LRP5: variants seen among roughly 807,000 people sequenced by gnomAD.
LRP5 encodes low-density lipoprotein receptor-related protein 5.
In LRP5, 62 loss-of-function variants were observed where a neutral mutation model predicts 154.1. The observed-to-expected ratio is 0.40, with a 90% CI of 0.33 to 0.50. The LOEUF is 0.50. LRP5 is among the 20% of genes least tolerant of loss of function. The probability of loss-of-function intolerance (pLI) is 0.55; values close to 1 mark genes in which losing one functional copy is unlikely to be tolerated. For missense variants in LRP5, 1,915 were observed against 2,336.7 expected (o/e 0.82, Z 3.72); for synonymous variants, 966 against 1,011.5 (o/e 0.96, Z 0.85).
At chr11:68,366,982 G>T (rs1317123580) in intron 5 of LRP5, among the ~76,000 whole-genome samples, 1 of 117,888 alleles carries the variant, frequency 8.5e-6, no homozygotes, top group Non-Finnish European at 1.6e-5. Flanking sequence ...TCTGGCGCTC[G>T]CACTCTGGGC....
intron 1 of LRP5, among the ~76,000 whole-genome samples, chr11:68,324,403 T>C (rs551150208): frequency 2.6e-5 from 4 of 152,298 alleles, no homozygotes; most frequent in African/African-American, 7.2e-5. Flanking sequence ...CTGCCCTGTG[T>C]GGCCCCCAGG....
chr11:68,320,146 C>T (rs550111051), intron 1 of LRP5, among the ~76,000 whole-genome samples: 1 of 152,268 alleles, frequency 6.6e-6, no homozygotes, highest in Admixed American at 6.5e-5. Context: ...GCCTGGGCAA[C>T]AGAGCGAGAC....
intron 1 of LRP5, among the ~76,000 whole-genome samples, chr11:68,347,001 C>T (rs1407270368): frequency 2.0e-5 from 3 of 152,182 alleles, no homozygotes; most frequent in African/African-American, 7.2e-5. Flanking sequence ...CTTGCACAGG[C>T]AGAAGGGGCT....
intron 16 of LRP5, among the ~76,000 whole-genome samples, chr11:68,428,943 AAAAATT>A (rs2098670384): frequency 2.2e-3 from 7 of 3,166 alleles, no homozygotes; most frequent in Admixed American, 6.4e-3. Context: ...AAAAAAAAAA[AAAAATT>A]AGCCAGGCAC....
At position 68,363,863 on chromosome 11, in the gene LRP5, G is replaced by T; in HGVS notation, c.803G>T (p.Gly268Val). The T allele has an allele frequency of 1.9e-6, 3 of 1,613,146 alleles. No individual in the cohort carries two copies. Among genetic ancestry groups the T allele is most frequent in the Admixed American group, 1.7e-5 (1 of 59,952 alleles). ...RSIHACNKRT[G>V]GKRKEILSAL... ...ATCCATGCCTGCAACAAGCGCACTG[G>T]GGGGAAGAGGAAGGAGATCCTGAGT... The change falls in exon 4 of 23, where the codon GGG becomes GTG. Residue 268 changes from glycine (G) to valine (V), a missense_variant. Transcript: ENST00000294304.
At chr11:68,313,257 G>A (rs2098590056) in intron 1 of LRP5, among the ~76,000 whole-genome samples, 1 of 151,930 alleles carries the variant, frequency 6.6e-6, no homozygotes, top group Non-Finnish European at 1.5e-5. Context: ...AGGACGGGCT[G>A]AAGTTGCAGC....
chr11:68,312,370 C>T (rs1032019789), upstream of LRP5, among the ~76,000 whole-genome samples: 17 of 151,014 alleles, frequency 1.1e-4, no homozygotes, highest in Non-Finnish European at 1.6e-4. Flanking sequence ...CCCCGCGGGG[C>T]GGAAACCCCG....
At chr11:68,322,420 G>C (rs1434737912) in intron 1 of LRP5, among the ~76,000 whole-genome samples, 2 of 152,232 alleles carry the variant, frequency 1.3e-5, no homozygotes, top group African/African-American at 4.8e-5. Flanking sequence ...TTTTCTCCAA[G>C]TAGTTTTCAT....
intron 1 of LRP5, among the ~76,000 whole-genome samples, chr11:68,314,184 G>T (rs1466811857): frequency 1.3e-5 from 2 of 151,902 alleles, no homozygotes; most frequent in Non-Finnish European, 2.9e-5. Context: ...TGGGGAAACT[G>T]TTTGTTTTAA....
intron 7 of LRP5, among the ~76,000 whole-genome samples, chr11:68,395,137 C>A (rs930029385): frequency 1.3e-5 from 2 of 151,976 alleles, no homozygotes; most frequent in African/African-American, 4.8e-5. Context: ...CCCGTCTCTA[C>A]TAAATATACA....
At chr11:68,322,898 GACTT>G (rs1369799813) in intron 1 of LRP5, among the ~76,000 whole-genome samples, 1 of 152,210 alleles carries the variant, frequency 6.6e-6, no homozygotes, top group Non-Finnish European at 1.5e-5. Context: ...ACCCCAAAGG[GACTT>G]GACTGTGAAG....
chr11:68,308,167 G>A (rs1002793145), upstream of LRP5, among the ~76,000 whole-genome samples: 2 of 152,222 alleles, frequency 1.3e-5, no homozygotes, highest in African/African-American at 2.4e-5. Context: ...CTCTCACTGG[G>A]GCCTCCTCCG....
At position 68,411,425 on chromosome 11, in the gene LRP5, G is replaced by C. The variant is rs201775095; in HGVS notation, c.2319-11G>C. 2.5e-6 allele frequency: 4 copies of C among 1,609,620 alleles called. No homozygotes were observed. The highest frequency in any genetic ancestry group is 1.7e-5 in the Admixed American group (1 of 60,022). On this transcript the variant is annotated splice_polypyrimidine_tract_variant and intron_variant, in intron 10 of 22. Transcript: ENST00000294304. Reference sequence around the variant, plus strand: ...CTCACTGAGCCTGCCCTTCTCCCTTGTGCCTTCCAGCTACATCTACTGGAC... The same window carrying C: ...CTCACTGAGCCTGCCCTTCTCCCTTCTGCCTTCCAGCTACATCTACTGGAC...
In LRP5 at chr11:68,353,224, G is replaced by C. The variant is rs899116729; in HGVS notation, c.489-4426G>C. Among the ~76,000 whole-genome samples, 7 of 152,308 alleles carry C rather than the reference G, an allele frequency of 4.6e-5. No homozygotes were observed. The East Asian group carries it at 5.8e-4, about 13-fold the overall frequency. On this transcript the variant is annotated intron_variant, in intron 2 of 22. Transcript: ENST00000294304. The surrounding 1 kb of genome is among the most constrained non-coding windows in gnomAD (Gnocchi z 4.5). ...CCTCCCCAGGATCACACCTGTGGCTGTTCACTCCCACCCCTGCCCCTGGGG... is the reference window on the plus strand; with the variant it reads ...CCTCCCCAGGATCACACCTGTGGCTCTTCACTCCCACCCCTGCCCCTGGGG...
At chr11:68,389,155 A>C (rs200169331) in intron 6 of LRP5, among the ~76,000 whole-genome samples, 5 of 4,432 alleles carry the variant, frequency 1.1e-3, no homozygotes, top group East Asian at 0.011. Context: ...CCAACACTGA[A>C]ATTTACCGAC....
chr11:68,448,897 G>C lies in LRP5; in HGVS notation c.4675G>C (p.Ala1559Pro). ...DSDYSASRWK[A>P]SKYYLDLNSD... ...CGACTACAGCGCCAGCCGCTGGAAGGCCAGCAAGTACTACCTGGATTTGAA... is the reference window on the plus strand; with the variant it reads ...CGACTACAGCGCCAGCCGCTGGAAGCCCAGCAAGTACTACCTGGATTTGAA... Residue 1559 changes from alanine (A) to proline (P), a missense_variant, in exon 23 of 23, where the codon GCC (alanine) becomes CCC (proline). Coordinates refer to ENST00000294304, the MANE Select transcript of LRP5 (RefSeq NM_002335.4). The C allele has an allele frequency of 6.2e-7, 1 of 1,613,608 alleles. No individual in the cohort carries two copies. The highest frequency in any genetic ancestry group is 1.1e-5 in the South Asian group (1 of 91,066).
intron 1 of LRP5, among the ~76,000 whole-genome samples, chr11:68,319,058 G>A (rs1204355761): frequency 2.0e-5 from 3 of 150,816 alleles, no homozygotes; most frequent in African/African-American, 4.9e-5. Context: ...TCACCCCACC[G>A]TGCCTGGCTC....
rs776947784 is a variant in LRP5 at position 68,413,733 on chromosome 11, G to A, written c.2548G>A (p.Gly850Ser). The change falls in exon 12 of 23, where the codon GGT (glycine) becomes AGT (serine). Residue 850 changes from glycine (G) to serine (S), a missense_variant. Gly to Ser is a moderately conservative substitution (Grantham distance 56). Around this residue, in one of 3 missense-constraint regions of LRP5, gnomAD observed 1,094 missense variants for 1,210.1 expected, o/e 0.90. Coordinates refer to ENST00000294304, the MANE Select transcript of LRP5 (RefSeq NM_002335.4). The surrounding 1 kb of genome is among the most constrained non-coding windows in gnomAD (Gnocchi z 5.1). ...TGCCGACGATCTCCCGCACCCGTTC[G>A]GTCTGACGCAGTACAGCGATTATAT... ...VIADDLPHPF[G>S]LTQYSDYIYW... The A allele has an allele frequency of 1.8e-5, 29 of 1,613,700 alleles. No individual in the cohort carries two copies. The highest frequency in any genetic ancestry group is 3.3e-5 in the South Asian group (3 of 91,082).
intron 8 of LRP5, among the ~76,000 whole-genome samples, chr11:68,404,820 A>C (rs892367511): frequency 1.7e-4 from 26 of 151,838 alleles, no homozygotes; most frequent in Non-Finnish European, 3.4e-4. Flanking sequence ...AATACAAAAA[A>C]TTAGCCGGGT....
Sources: allele counts gnomAD v4.1 joint callset (sites outside exome capture counted in the v4.1 genomes callset), GRCh38; gene constraint gnomAD v4.1.1; regional missense constraint gnomAD v4.1.1; non-coding constraint Gnocchi (gnomAD v3.1); transcripts MANE v1.5; gene names NCBI Gene and HGNC (gene_info 2026-07-23, HGNC 2026-07-21).